DLG5: variants seen among roughly 807,000 people sequenced by gnomAD.
DLG5 encodes the protein discs large MAGUK scaffold protein 5, also known as disks large homolog 5.
In DLG5, 48 loss-of-function variants were observed where a neutral mutation model predicts 189.8. The observed-to-expected ratio is 0.25, with a 90% CI of 0.20 to 0.32. The LOEUF is 0.32. Among genes scored for constraint, DLG5 ranks in the 10% least tolerant of loss-of-function variants. DLG5 has a pLI of 1.00. For missense variants in DLG5, 2,160 were observed against 2,544.7 expected (o/e 0.85, Z 3.25); for synonymous variants, 1,016 against 1,054.1 (o/e 0.96, Z 0.70).
chr10:77,807,211 T>C (rs1841521798), intron 25 of DLG5, among the ~76,000 whole-genome samples: 1 of 152,108 alleles, frequency 6.6e-6, no homozygotes, highest in Admixed American at 6.5e-5. Flanking sequence ...CCTTTCCCAG[T>C]TGCCTCCCTC....
intron 6 of DLG5, 116 bp from the exon 7 acceptor site, chr10:77,842,309 A>G: frequency 7.8e-7 from 1 of 1,274,862 alleles, no homozygotes. Context: ...GTGAAGTTTC[A>G]AGTGAAGTCA....
chr10:77,870,697 C>A (rs575321492), intron 1 of DLG5, among the ~76,000 whole-genome samples: 1,746 of 150,978 alleles, frequency 0.012, 33 homozygotes, highest in African/African-American at 0.041. Flanking sequence ...AAAAAAAAAA[C>A]AAAAAACACT....
intron 3 of DLG5, among the ~76,000 whole-genome samples, chr10:77,855,634 T>G (rs1281254160): frequency 1.3e-5 from 2 of 152,226 alleles, no homozygotes; most frequent in African/African-American, 4.8e-5. Flanking sequence ...GTGCCAACTC[T>G]CATGTGCTAG....
intron 5 of DLG5, among the ~76,000 whole-genome samples, chr10:77,849,840 G>A (rs1410506982): frequency 6.6e-6 from 1 of 152,212 alleles, no homozygotes; most frequent in Non-Finnish European, 1.5e-5. Context: ...CGCTTCTTGA[G>A]GGCAGAGTGC....
chr10:77,812,390 CAA>C lies in DLG5; in HGVS notation c.4026-15_4026-14del, dbSNP rs749645193. On this transcript the variant is annotated splice_polypyrimidine_tract_variant and intron_variant, in intron 20 of 31. Coordinates refer to ENST00000372391, the MANE Select transcript of DLG5 (RefSeq NM_004747.4). ...CTCCACATAAGGCCTAAGGAAAAGT[CAA>C]AAGTTTCGGGGACTCAGGGTCAAAC... The C allele has an allele frequency of 8.6e-5, 138 of 1,600,698 alleles. No individual in the cohort carries two copies. Among genetic ancestry groups the C allele is most frequent in the Non-Finnish European group, 1.1e-4 (134 of 1,169,030 alleles).
At chr10:77,897,747 A>C (rs1845807112) in intron 1 of DLG5, among the ~76,000 whole-genome samples, 1 of 152,040 alleles carries the variant, frequency 6.6e-6, no homozygotes, top group Admixed American at 6.6e-5. Context: ...ACAAAAGAAA[A>C]GAGAGGAAAA....
intron 25 of DLG5, 151 bp from the exon 26 acceptor site, chr10:77,807,079 A>G: frequency 1.2e-6 from 1 of 845,046 alleles, no homozygotes; most frequent in Non-Finnish European, 1.8e-6. Context: ...TGATTCTCAA[A>G]GTGGGGAGCC....
chr10:77,850,868 G>A (rs1398031588), intron 5 of DLG5, among the ~76,000 whole-genome samples: 1 of 152,194 alleles, frequency 6.6e-6, no homozygotes, highest in African/African-American at 2.4e-5. Context: ...AAGGCTGTGG[G>A]GCTTCCCTTG....
chr10:77,795,052 G>C, intron 29 of DLG5, 94 bp from the exon 30 acceptor site: 1 of 926,382 alleles, frequency 1.1e-6, no homozygotes, highest in Non-Finnish European at 1.7e-6. Flanking sequence ...ACCTCACAGG[G>C]CTCTACCCAC....
At chr10:77,806,019 G>A in intron 26 of DLG5, 158 bp from the exon 27 acceptor site, 1 of 677,722 alleles carries the variant, frequency 1.5e-6, no homozygotes. Flanking sequence ...ACGCCCCTGG[G>A]AACCCTCGGT....
At chr10:77,812,091 G>A (rs1327392186) in intron 21 of DLG5, 34 bp from the exon 22 acceptor site, 4 of 1,605,012 alleles carry the variant, frequency 2.5e-6, no homozygotes, top group Middle Eastern at 1.7e-4. Flanking sequence ...CAGTGGGGGG[G>A]TCGGGGCTGT....
rs575970360 is a variant in DLG5 at position 77,853,263 on chromosome 10, C to T, written c.864+91G>A. ...GATCACAGATGTGAGCCAACGTGCCCGGCCCAGCATTTACTTCTCAATACT... is the reference window on the plus strand; with the variant it reads ...GATCACAGATGTGAGCCAACGTGCCTGGCCCAGCATTTACTTCTCAATACT... On this transcript the variant is annotated intron_variant, in intron 5 of 31. Coordinates refer to ENST00000372391, the MANE Select transcript of DLG5 (RefSeq NM_004747.4). 1.8e-4 allele frequency: 218 copies of T among 1,238,314 alleles called. 1 individual carries two copies. The highest frequency in any genetic ancestry group is 1.1e-3 in the Admixed American group (34 of 30,842). 76.7% of individuals were successfully genotyped at this position (1,238,314 alleles called of 1,614,324 possible).
chr10:77,808,233 A>G (rs1841577748), intron 24 of DLG5, among the ~76,000 whole-genome samples: 1 of 152,180 alleles, frequency 6.6e-6, no homozygotes, highest in African/African-American at 2.4e-5. Context: ...GCTTTTCAGA[A>G]TAGGGACCTT....
At chr10:77,930,132 C>T (rs1428771010), upstream of DLG5, among the ~76,000 whole-genome samples, 1 of 152,096 alleles carries the variant, frequency 6.6e-6, no homozygotes, top group Non-Finnish European at 1.5e-5. Context: ...CACACACAGT[C>T]TGCTTCTGCT....
chr10:77,844,212 C>G (rs1843570168), intron 5 of DLG5, among the ~76,000 whole-genome samples: 1 of 152,152 alleles, frequency 6.6e-6, no homozygotes, highest in Admixed American at 6.5e-5. Flanking sequence ...CACTTGAGCA[C>G]TGAGTCTCTA....
At position 77,807,776 on chromosome 10, in the gene DLG5, G is replaced by T; in HGVS notation, c.4796+20C>A. 1 of 1,607,804 alleles carries T rather than the reference G, an allele frequency of 6.2e-7. No individual in the cohort carries two copies. ...CTCCTCTGGTTCCAAATCTCCCACC[G>T]ATTCCCCAGCCACTGGTACCTGATG... On this transcript the variant is annotated intron_variant, in intron 25 of 31. Transcript: ENST00000372391.
chr10:77,882,264 C>T (rs546576381), intron 1 of DLG5, among the ~76,000 whole-genome samples: 1 of 152,332 alleles, frequency 6.6e-6, no homozygotes, highest in South Asian at 2.1e-4. Context: ...TGGCCACCTC[C>T]TAATCAGTGA....
chr10:77,863,665 TC>T (rs1844560917), intron 2 of DLG5, among the ~76,000 whole-genome samples: 2 of 152,202 alleles, frequency 1.3e-5, no homozygotes, highest in South Asian at 4.1e-4. Context: ...CTGTCAACTC[TC>T]CCGTGACCTC....
intron 1 of DLG5, among the ~76,000 whole-genome samples, chr10:77,908,248 G>C (rs1355810211): frequency 9.2e-5 from 14 of 152,124 alleles, no homozygotes. Flanking sequence ...GTTGAAACTG[G>C]GGAGAACGCT....
Sources: allele counts gnomAD v4.1 joint callset (sites outside exome capture counted in the v4.1 genomes callset), GRCh38; gene constraint gnomAD v4.1.1; transcripts MANE v1.5; gene names NCBI Gene and HGNC (gene_info 2026-07-23, HGNC 2026-07-21).